CHD7: variants seen among roughly 807,000 people sequenced by gnomAD.
The protein encoded by CHD7 is chromodomain helicase DNA binding protein 7.
A neutral mutation model predicts 307.3 loss-of-function variants in CHD7; 24 were observed. The observed-to-expected ratio is 0.08, with a 90% CI of 0.06 to 0.11. The LOEUF is 0.11. Among genes scored for constraint, CHD7 ranks in the 10% least tolerant of loss-of-function variants. The probability of loss-of-function intolerance (pLI) is 1.00; values close to 1 mark genes in which losing one functional copy is unlikely to be tolerated. For synonymous variants in CHD7, 1,363 were observed against 1,349.9 expected (o/e 1.01, Z -0.21); for missense variants, 3,106 against 3,727.1 (o/e 0.83, Z 4.34).
chr8:60,691,624 G>A (rs1312537359), intron 1 of CHD7, among the ~76,000 whole-genome samples: 1 of 152,158 alleles, frequency 6.6e-6, no homozygotes, highest in African/African-American at 2.4e-5. Context: ...CTGAGCCTGG[G>A]CTTCTGCCTC....
intron 1 of CHD7, among the ~76,000 whole-genome samples, chr8:60,688,886 T>C (rs1806053516): frequency 6.6e-6 from 1 of 152,164 alleles, no homozygotes. Context: ...GATCCTCAAA[T>C]CTCAGAAGCT....
Position 60,841,957 on chromosome 8 carries a change from A to C in CHD7, c.4755A>C (p.Glu1585Asp). Residue 1585 changes from glutamate to aspartate, a missense_variant, in exon 21 of 38, where the codon GAA becomes GAC. Around this residue, in one of 10 missense-constraint regions of CHD7, gnomAD observed 122 missense variants for 124.5 expected, o/e 0.98. Coordinates refer to ENST00000423902, the MANE Select transcript of CHD7 (RefSeq NM_017780.4). ...CAGACTTGGAAAGTGATTCTGAAGA[A>C]AAGCCCTGTGCAAAGCCACGGCGTC... ...EFSDLESDSE[E>D]KPCAKPRRPQ... The C allele has an allele frequency of 6.2e-7, 1 of 1,613,366 alleles. No homozygotes were observed. The highest frequency in any genetic ancestry group is 8.5e-7 in the Non-Finnish European group (1 of 1,179,616).
At chr8:60,770,259 A>C (rs1810646444) in intron 2 of CHD7, among the ~76,000 whole-genome samples, 1 of 152,242 alleles carries the variant, frequency 6.6e-6, no homozygotes, top group Non-Finnish European at 1.5e-5. Context: ...AGGGACTCAA[A>C]TCTGAACAGT....
intron 7 of CHD7, among the ~76,000 whole-genome samples, chr8:60,812,563 C>T (rs538306448): frequency 6.6e-6 from 1 of 150,946 alleles, no homozygotes; most frequent in African/African-American, 2.4e-5. Context: ...ACTCGGGAGG[C>T]TGAGGCAGGA....
In CHD7 at chr8:60,747,192, C is replaced by T. The variant is rs148717489; in HGVS notation, c.1665+4095C>T. 5.4e-3 allele frequency among the ~76,000 whole-genome samples: 820 copies of T among 152,226 alleles called. 5 individuals are homozygous for T. Among genetic ancestry groups the T allele is most frequent in the African/African-American group, 0.019 (792 of 41,534 alleles). ...CCCAGGTTCAAGCAATTCTCCTGCT[C>T]ATACTCCCTAGTAGTTGGGATTACA... On this transcript the variant is annotated intron_variant, in intron 2 of 37. Transcript: ENST00000423902.
At chr8:60,774,646 A>G (rs1810867226) in intron 2 of CHD7, among the ~76,000 whole-genome samples, 3 of 152,222 alleles carry the variant, frequency 2.0e-5, no homozygotes, top group South Asian at 2.1e-4. Context: ...GGTTGAAAAC[A>G]GAGAGACAGG....
chr8:60,727,669 A>G (rs1808237752), intron 1 of CHD7, among the ~76,000 whole-genome samples: 2 of 151,850 alleles, frequency 1.3e-5, no homozygotes, highest in African/African-American at 4.8e-5. Context: ...TTCTCTTGTC[A>G]TTCTAAATAT....
At chr8:60,773,270 ATGATGGT>A (rs1810799473) in intron 2 of CHD7, among the ~76,000 whole-genome samples, 1 of 152,238 alleles carries the variant, frequency 6.6e-6, no homozygotes, top group Non-Finnish European at 1.5e-5. Flanking sequence ...GCCCAGAGAA[ATGATGGT>A]TTCTGTTGGC....
chr8:60,748,347 G>T (rs537314675), intron 2 of CHD7, among the ~76,000 whole-genome samples: 1 of 152,274 alleles, frequency 6.6e-6, no homozygotes, highest in South Asian at 2.1e-4. Context: ...AGCCCTTTGG[G>T]CCTTGAGTGT....
intron 2 of CHD7, among the ~76,000 whole-genome samples, chr8:60,750,276 C>G (rs1324768336): frequency 6.6e-6 from 1 of 152,138 alleles, no homozygotes; most frequent in Non-Finnish European, 1.5e-5. Flanking sequence ...TCTTAGGTAC[C>G]TTCATGAAAG....
In CHD7 at chr8:60,852,267, C is replaced by T. The variant is rs771771984; in HGVS notation, c.5894+20C>T. The stretch of plus-strand genomic sequence containing the variant: ...GCAAAAGTGAGTTTCTTCAAGGTTT[C>T]CACTCAGCTCCCGGTACATGCCCCT... On this transcript the variant is annotated intron_variant, in intron 29 of 37. Transcript: ENST00000423902. 2.4e-5 allele frequency: 39 copies of T among 1,599,460 alleles called. No homozygotes were observed. Among genetic ancestry groups the T allele is most frequent in the Non-Finnish European group, 3.3e-5 (39 of 1,169,794 alleles).
rs763048936 is a variant in CHD7 at position 60,865,364 on chromosome 8, G to A, written c.8425G>A (p.Val2809Met). The A allele has an allele frequency of 5.0e-6, 8 of 1,611,866 alleles. No homozygotes were observed. The highest frequency in any genetic ancestry group is 5.9e-6 in the Non-Finnish European group (7 of 1,179,176). The stretch of plus-strand genomic sequence containing the variant: ...GCCAGGAATGGCGGGCCTGCCCAAC[G>A]TGTTTGGCTTGGGCGGGCTGTTGAA... ...MLPGMAGLPN[V>M]FGLGGLLNNP... Residue 2809 changes from valine (V) to methionine (M), a missense_variant, in exon 38 of 38, where the codon GTG becomes ATG. Val to Met is a conservative substitution (Grantham distance 21). Around this residue, in one of 10 missense-constraint regions of CHD7, gnomAD observed 351 missense variants for 366.2 expected, o/e 0.96. Coordinates refer to ENST00000423902, the MANE Select transcript of CHD7 (RefSeq NM_017780.4). The surrounding 1 kb of genome is among the most constrained non-coding windows in gnomAD (Gnocchi z 4.3).
chr8:60,708,557 C>CTACTG (rs1394652623), intron 1 of CHD7, among the ~76,000 whole-genome samples: 5 of 152,184 alleles, frequency 3.3e-5, no homozygotes, highest in African/African-American at 1.2e-4. Flanking sequence ...CAGGCCTCCC[C>CTACTG]TACTGCCTGC....
At chr8:60,816,113 GTCTCTCTCTCTCTCTCTCTCTC>G in intron 7 of CHD7, among the ~76,000 whole-genome samples, 1 of 139,318 alleles carries the variant, frequency 7.2e-6, no homozygotes, top group South Asian at 2.3e-4. Context: ...CTGTCTGTCT[GTCTCTCTCTCTCTCTCTCTCTC>G]TCTCTCTCTC....
At chr8:60,810,380 A>AGAGAGTGT (rs534826288) in intron 7 of CHD7, among the ~76,000 whole-genome samples, 175 of 146,084 alleles carry the variant, frequency 1.2e-3, no homozygotes, top group Non-Finnish European at 2.1e-3. Flanking sequence ...AGAGAGAGAG[A>AGAGAGTGT]GTGTGTGTGT....
In CHD7 at chr8:60,838,346, T is replaced by C. The variant is rs1401570942; in HGVS notation, c.4533+91T>C. On this transcript the variant is annotated intron_variant, in intron 19 of 37. Transcript: ENST00000423902. Reference sequence around the variant, plus strand: ...CTTGTAAAAGTGCTTACAAGATGCATTGGGAATTAATCAAATTAATCATTA... The same window carrying C: ...CTTGTAAAAGTGCTTACAAGATGCACTGGGAATTAATCAAATTAATCATTA... 9.5e-6 allele frequency: 11 copies of C among 1,154,820 alleles called. No individual in the cohort carries two copies. The East Asian group carries it at 2.3e-4, about 24-fold the overall frequency. The allele number at this position is 1,154,820 out of a possible 1,614,324, so 71.5% of individuals were successfully genotyped here. A position where few individuals can be genotyped will look rare whatever the true frequency, so the allele number is the denominator to read the frequency against.
intron 23 of CHD7, among the ~76,000 whole-genome samples, chr8:60,846,312 C>A (rs1805210673): frequency 6.6e-6 from 1 of 152,186 alleles, no homozygotes; most frequent in African/African-American, 2.4e-5. Context: ...TTGCTGGGTC[C>A]ATTTTTTCTG....
chr8:60,856,320 G>A, intron 33 of CHD7, 118 bp downstream of exon 33: 2 of 1,250,624 alleles, frequency 1.6e-6, no homozygotes, highest in Non-Finnish European at 2.2e-6. Flanking sequence ...TGTTTCCTCA[G>A]CTCTGTGCAC....
intron 2 of CHD7, among the ~76,000 whole-genome samples, chr8:60,769,943 G>T (rs1453717316): frequency 2.0e-5 from 3 of 152,234 alleles, no homozygotes; most frequent in Admixed American, 1.3e-4. Flanking sequence ...GAACACACTG[G>T]AAACTAAATG....
Sources: gnomAD v4.1 joint callset for allele counts (sites outside exome capture counted in the v4.1 genomes callset) on GRCh38, gnomAD v4.1.1 for gene constraint, gnomAD v4.1.1 regional missense constraint, Gnocchi (gnomAD v3.1) non-coding constraint, MANE v1.5 for transcripts, NCBI Gene and HGNC (gene_info 2026-07-23, HGNC 2026-07-21) for gene names.